CNTNAP5: variants seen among roughly 807,000 people sequenced by gnomAD.
CNTNAP5 encodes the protein contactin-associated protein-like 5.
Under a neutral mutation model 150.2 loss-of-function variants are expected in CNTNAP5, and 72 were observed. That is an observed-to-expected ratio of 0.48 (90% CI 0.40 to 0.58). CNTNAP5 has a LOEUF of 0.58. Among genes scored for constraint, CNTNAP5 ranks in the 20% least tolerant of loss-of-function variants. CNTNAP5 has a pLI of 0.00. For synonymous variants in CNTNAP5, 672 were observed against 619.8 expected (o/e 1.08, Z -1.25); for missense variants, 1,636 against 1,626.2 (o/e 1.01, Z -0.10).
intron 10 of CNTNAP5, among the ~76,000 whole-genome samples, chr2:124,551,108 A>G (rs1163157130): frequency 6.6e-6 from 1 of 151,860 alleles, no homozygotes. Context: ...GTGCAGGGAG[A>G]GGCATGTGTG....
intron 1 of CNTNAP5, among the ~76,000 whole-genome samples, chr2:124,128,310 A>C (rs1683763231): frequency 6.6e-6 from 1 of 152,204 alleles, no homozygotes; most frequent in South Asian, 2.1e-4. Flanking sequence ...CACACGAAAA[A>C]ATGCTCATCA....
rs150199330 is a variant in CNTNAP5 at position 124,534,258 on chromosome 2, C to T, written c.1649+6802C>T. On this transcript the variant is annotated intron_variant, in intron 10 of 23. Coordinates refer to ENST00000682447, the MANE Select transcript of CNTNAP5 (RefSeq NM_001367498.1). ...AAACCTCCAGAGAGAGTTCTTGGATCTCGCGCAATAAAAAATTTGGAGTGA... is the reference window on the plus strand; with the variant it reads ...AAACCTCCAGAGAGAGTTCTTGGATTTCGCGCAATAAAAAATTTGGAGTGA... 1.8e-3 allele frequency among the ~76,000 whole-genome samples: 279 copies of T among 151,928 alleles called. 1 individual carries two copies. The highest frequency in any genetic ancestry group is 6.4e-3 in the African/African-American group (265 of 41,438).
At chr2:124,856,611 G>C (rs1677380560) in intron 19 of CNTNAP5, among the ~76,000 whole-genome samples, 1 of 151,954 alleles carries the variant, frequency 6.6e-6, no homozygotes, top group African/African-American at 2.4e-5. Flanking sequence ...ATTTTATTTG[G>C]ACTTTTAGAC....
intron 1 of CNTNAP5, among the ~76,000 whole-genome samples, chr2:124,185,886 G>T (rs775104403): frequency 6.6e-6 from 1 of 152,154 alleles, no homozygotes; most frequent in African/African-American, 2.4e-5. Context: ...GTTATAATCC[G>T]CTCCTAACTA....
intron 13 of CNTNAP5, among the ~76,000 whole-genome samples, chr2:124,686,137 G>A (rs770416672): frequency 6.6e-6 from 1 of 152,060 alleles, no homozygotes; most frequent in Non-Finnish European, 1.5e-5. Context: ...TGTCTGGGGT[G>A]AGTGGGAGAA....
At chr2:124,893,723 A>C (rs1678248055) in intron 21 of CNTNAP5, among the ~76,000 whole-genome samples, 1 of 152,026 alleles carries the variant, frequency 6.6e-6, no homozygotes. Context: ...TACTGTATAT[A>C]ATGGTCACCT....
intron 19 of CNTNAP5, among the ~76,000 whole-genome samples, chr2:124,847,872 A>G (rs538509553): frequency 7.2e-5 from 11 of 152,194 alleles, no homozygotes; most frequent in African/African-American, 9.6e-5. Flanking sequence ...TACTTTTGTC[A>G]TAAAAATTGG....
rs990017121 is a variant in CNTNAP5, at chr2:124,769,529, G to T, written c.2534-3270G>T. Among the ~76,000 whole-genome samples the T allele has an allele frequency of 2.0e-5, 3 of 152,272 alleles. No individual in the cohort carries two copies. The South Asian group carries it at 6.2e-4, about 32-fold the overall frequency. On this transcript the variant is annotated intron_variant, in intron 16 of 23. Coordinates refer to ENST00000682447, the MANE Select transcript of CNTNAP5 (RefSeq NM_001367498.1). ...CATGATAGAGCTAATGCTGTCATTGGTCTTCTCCCTTCCTATTCAGGGCCA... is the reference window on the plus strand; with the variant it reads ...CATGATAGAGCTAATGCTGTCATTGTTCTTCTCCCTTCCTATTCAGGGCCA...
At chr2:124,834,729 G>A (rs544197815) in intron 19 of CNTNAP5, among the ~76,000 whole-genome samples, 1 of 151,930 alleles carries the variant, frequency 6.6e-6, no homozygotes, top group African/African-American at 2.4e-5. Flanking sequence ...GTCTGCAGCT[G>A]CATCCTCAAC....
Position 124,692,780 on chromosome 2 carries a change from C to G in CNTNAP5, c.2077+44822C>G, listed in dbSNP as rs374241332. 3.6e-4 allele frequency among the ~76,000 whole-genome samples: 55 copies of G among 152,170 alleles called. 1 individual carries two copies. In the East Asian group the frequency reaches 4.3e-3, roughly 12 times the overall value. ...TATGCAGATGATGGGATTAGAGTTG[C>G]TGAAGGTATTATCTTCCCTCATTAC... is the stretch of plus-strand genomic sequence containing the variant. On this transcript the variant is annotated intron_variant, in intron 13 of 23. Transcript: ENST00000682447.
intron 19 of CNTNAP5, among the ~76,000 whole-genome samples, chr2:124,802,595 G>C (rs1681992534): frequency 6.6e-6 from 1 of 152,164 alleles, no homozygotes; most frequent in Non-Finnish European, 1.5e-5. Context: ...GGTTGGAGGA[G>C]AAAGGGTCTT....
intron 13 of CNTNAP5, among the ~76,000 whole-genome samples, chr2:124,743,581 G>T (rs1481861158): frequency 1.3e-5 from 2 of 152,174 alleles, no homozygotes; most frequent in Admixed American, 1.3e-4. Flanking sequence ...TCATGGTGGT[G>T]CAGACAGCAT....
At chr2:124,238,690 A>T (rs941703788) in intron 2 of CNTNAP5, among the ~76,000 whole-genome samples, 57 of 152,316 alleles carry the variant, frequency 3.7e-4, no homozygotes, top group African/African-American at 1.3e-3. Context: ...GCATTGCCTC[A>T]GTCAACACCT....
At chr2:124,312,555 GTTTA>G (rs1195913287) in intron 3 of CNTNAP5, among the ~76,000 whole-genome samples, 194 of 150,764 alleles carry the variant, frequency 1.3e-3, no homozygotes, top group Middle Eastern at 3.4e-3. Context: ...TTTTTTGTTT[GTTTA>G]TTTGTTTGTT....
At chr2:124,464,761 G>T (rs1313969329) in intron 6 of CNTNAP5, among the ~76,000 whole-genome samples, 1 of 152,146 alleles carries the variant, frequency 6.6e-6, no homozygotes, top group East Asian at 1.9e-4. Context: ...TGTAATGGCA[G>T]AAATTCATCC....
At chr2:124,577,465 T>C (rs1194954988) in intron 11 of CNTNAP5, among the ~76,000 whole-genome samples, 2 of 152,176 alleles carry the variant, frequency 1.3e-5, no homozygotes, top group Non-Finnish European at 2.9e-5. Flanking sequence ...TATTTTGGGG[T>C]CACCCATTCA....
chr2:124,641,970 G>A (rs191802992), intron 12 of CNTNAP5, among the ~76,000 whole-genome samples: 2 of 152,242 alleles, frequency 1.3e-5, no homozygotes, highest in African/African-American at 4.8e-5. Flanking sequence ...ATTGCTTACA[G>A]CGTCTGTAAT....
intron 1 of CNTNAP5, among the ~76,000 whole-genome samples, chr2:124,183,903 A>C (rs150270597): frequency 6.6e-6 from 1 of 152,180 alleles, no homozygotes; most frequent in Admixed American, 6.5e-5. Flanking sequence ...CAAAAGTAAT[A>C]GCGAAAACCG....
intron 1 of CNTNAP5, among the ~76,000 whole-genome samples, chr2:124,136,063 G>A (rs1285820514): frequency 6.6e-6 from 1 of 152,122 alleles, no homozygotes; most frequent in Non-Finnish European, 1.5e-5. Flanking sequence ...ACGGCATGTG[G>A]TTTTCATACT....
Sources: allele counts gnomAD v4.1 joint callset (sites outside exome capture counted in the v4.1 genomes callset), GRCh38; gene constraint gnomAD v4.1.1; transcripts MANE v1.5; gene names NCBI Gene and HGNC (gene_info 2026-07-23, HGNC 2026-07-21).